C16orf78: variants seen among roughly 807,000 people sequenced by gnomAD.
C16orf78 encodes uncharacterized protein C16orf78.
C16orf78 carries 19 observed loss-of-function variants against 27.3 expected under a neutral mutation model. The observed-to-expected ratio is 0.70, with a 90% CI of 0.49 to 1.02. The LOEUF (loss-of-function observed/expected upper bound fraction) is 1.02, where lower values mean the gene tolerates loss of function less well. C16orf78 is among the 50% of genes least tolerant of loss of function. C16orf78 has a pLI of 0.00. For synonymous variants in C16orf78, 130 were observed against 116.1 expected (o/e 1.12, Z -0.77); for missense variants, 339 against 337.0 (o/e 1.01, Z -0.05).
At chr16:49,378,006 C>A (rs966084914) in intron 2 of C16orf78, among the ~76,000 whole-genome samples, 156 bp downstream of exon 2, 3 of 152,104 alleles carry the variant, frequency 2.0e-5, no homozygotes, top group Non-Finnish European at 4.4e-5. Context: ...AAATCTCCAC[C>A]CCTCCCTACC....
chr16:49,378,417 G>C, intron 2 of C16orf78, 53 bp from the exon 3 acceptor site: 4 of 1,537,698 alleles, frequency 2.6e-6, no homozygotes, highest in Non-Finnish European at 3.5e-6. Context: ...GGAGCGGGGA[G>C]GGCGAGCCAG....
intron 1 of C16orf78, among the ~76,000 whole-genome samples, chr16:49,375,676 T>C (rs557528000): frequency 6.6e-6 from 1 of 152,242 alleles, no homozygotes; most frequent in South Asian, 2.1e-4. Context: ...ATCCAAACCA[T>C]ACCACTTACC....
intron 3 of C16orf78, among the ~76,000 whole-genome samples, chr16:49,381,328 C>A (rs543369318): frequency 6.6e-6 from 1 of 152,252 alleles, no homozygotes; most frequent in African/African-American, 2.4e-5. Flanking sequence ...GTTTGTAGTT[C>A]TCCTTGAAGA....
chr16:49,385,751 G>T (rs144014932), intron 3 of C16orf78, among the ~76,000 whole-genome samples: 1 of 151,020 alleles, frequency 6.6e-6, no homozygotes, highest in Non-Finnish European at 1.5e-5. Context: ...AAAACATACC[G>T]CTCCAAAAAG....
intron 3 of C16orf78, among the ~76,000 whole-genome samples, chr16:49,381,361 T>C (rs1965284914): frequency 1.3e-5 from 2 of 152,190 alleles, no homozygotes; most frequent in Non-Finnish European, 2.9e-5. Flanking sequence ...CCTTTGTAAG[T>C]TGGATTCCTA....
At chr16:49,385,761 G>T (rs1278514529) in intron 3 of C16orf78, among the ~76,000 whole-genome samples, 3 of 151,058 alleles carry the variant, frequency 2.0e-5, no homozygotes, top group African/African-American at 7.3e-5. Flanking sequence ...GCTCCAAAAA[G>T]TCATTAAATC....
At chr16:49,389,584 A>T (rs1457025506) in intron 3 of C16orf78, among the ~76,000 whole-genome samples, 4 of 152,200 alleles carry the variant, frequency 2.6e-5, no homozygotes, top group Non-Finnish European at 5.9e-5. Flanking sequence ...TGACAGGGCG[A>T]GACTCTGTAT....
Position 49,399,427 on chromosome 16 carries a change from G to C in C16orf78, c.*149G>C. 1.1e-6 allele frequency: 1 copy of C among 934,780 alleles called. No homozygotes were observed. Among genetic ancestry groups the C allele is most frequent in the Non-Finnish European group, 1.6e-6 (1 of 641,264 alleles). The allele number at this position is 934,780 out of a possible 1,614,324, so 57.9% of individuals were successfully genotyped here. A position where few individuals can be genotyped will look rare whatever the true frequency, so the allele number is the denominator to read the frequency against. On this transcript the variant is annotated 3_prime_UTR_variant, in exon 5 of 5. Transcript: ENST00000299191. ...ATCAGAAAACAAGCCTCGGCTGTGTGATCATTGTGCTTCCGTAAGACTGGT... is the reference window on the plus strand; with the variant it reads ...ATCAGAAAACAAGCCTCGGCTGTGTCATCATTGTGCTTCCGTAAGACTGGT...
intron 2 of C16orf78, 141 bp from the exon 3 acceptor site, chr16:49,378,329 A>C: frequency 9.7e-5 from 111 of 1,145,522 alleles, no homozygotes; most frequent in Non-Finnish European, 1.2e-4. Flanking sequence ...GACCTCTCCC[A>C]GGGCCCGGGG....
intron 3 of C16orf78, 114 bp downstream of exon 3, chr16:49,378,707 C>T: frequency 4.8e-6 from 7 of 1,462,046 alleles, no homozygotes; most frequent in Non-Finnish European, 5.5e-6. Context: ...GTCAATCCAA[C>T]CATTGTGCAC....
intron 3 of C16orf78, among the ~76,000 whole-genome samples, chr16:49,380,952 G>A (rs1410064501): frequency 1.3e-5 from 2 of 151,484 alleles, no homozygotes; most frequent in Non-Finnish European, 1.5e-5. Context: ...TAGATATGCG[G>A]CATTATTTCT....
intron 3 of C16orf78, among the ~76,000 whole-genome samples, chr16:49,393,509 A>G (rs1256117069): frequency 2.6e-5 from 4 of 152,156 alleles, no homozygotes; most frequent in Non-Finnish European, 5.9e-5. Flanking sequence ...TAAGAAACAC[A>G]CTTCCAAATT....
chr16:49,395,479 A>C (rs1232986213), intron 3 of C16orf78, among the ~76,000 whole-genome samples: 1 of 151,668 alleles, frequency 6.6e-6, no homozygotes, highest in Non-Finnish European at 1.5e-5. Flanking sequence ...TTTTCTCATC[A>C]GCTATCATTA....
intron 1 of C16orf78, 84 bp from the exon 2 acceptor site, chr16:49,377,647 C>A: frequency 6.6e-7 from 1 of 1,521,128 alleles, no homozygotes; most frequent in Non-Finnish European, 8.9e-7. Context: ...CAGCCCCTCA[C>A]CTGGGAGCCT....
rs1965282322 is a variant in C16orf78 at position 49,381,189 on chromosome 16, T to C, written c.394+2596T>C. ...GTGAAGAAAGGCATTGGTAGCTTGA[T>C]GGGGATGGCATTGAATCTGTAATTT... On this transcript the variant is annotated intron_variant, in intron 3 of 4. Coordinates refer to ENST00000299191, the MANE Select transcript of C16orf78 (RefSeq NM_144602.4). Among the ~76,000 whole-genome samples, 2 of 152,322 alleles carry C rather than the reference T, an allele frequency of 1.3e-5. 1 individual carries two copies. Among genetic ancestry groups the C allele is most frequent in the South Asian group, 4.1e-4 (2 of 4,824 alleles).
At chr16:49,382,893 A>G (rs1965304873) in intron 3 of C16orf78, among the ~76,000 whole-genome samples, 1 of 152,108 alleles carries the variant, frequency 6.6e-6, no homozygotes, top group Admixed American at 6.5e-5. Context: ...TCTGTTTCAC[A>G]CTCAAAGTAG....
chr16:49,378,515 C>G lies in C16orf78; in HGVS notation c.316C>G (p.Leu106Val), dbSNP rs745926781. 3.7e-6 allele frequency: 6 copies of G among 1,610,276 alleles called. No individual in the cohort carries two copies. The East Asian group carries it at 1.3e-4, about 36-fold the overall frequency. Residue 106 changes from leucine (L) to valine (V), a missense_variant, in exon 3 of 5, where the codon CTC (leucine) becomes GTC (valine). By Grantham distance (32) the Leu-to-Val change is conservative. Transcript: ENST00000299191. ...FRKDAASYRS[L>V]YGVEQKGKHL... ...GAAGGACGCCGCCTCCTACCGAAGC[C>G]TCTATGGAGTGGAGCAAAAGGGGAA...
chr16:49,388,616 A>G (rs1965376743), intron 3 of C16orf78, among the ~76,000 whole-genome samples: 1 of 152,124 alleles, frequency 6.6e-6, no homozygotes, highest in Admixed American at 6.5e-5. Flanking sequence ...TGCTCAAGCA[A>G]TCCTCCCACC....
At position 49,378,537 on chromosome 16, in the gene C16orf78, G is replaced by A. The variant is rs767886935; in HGVS notation, c.338G>A (p.Gly113Glu). The A allele has an allele frequency of 8.1e-6, 13 of 1,613,252 alleles. No individual in the cohort carries two copies. Among genetic ancestry groups the A allele is most frequent in the Admixed American group, 5.0e-5 (3 of 59,918 alleles). The change falls in exon 3 of 5, where the codon GGG becomes GAG. Residue 113 changes from glycine to glutamate, a missense_variant. Transcript: ENST00000299191. ...AGCCTCTATGGAGTGGAGCAAAAGG[G>A]GAAACACCTCAGCATGGTCCCTGGC... ...YRSLYGVEQK[G>E]KHLSMVPGSY... is the part of the protein sequence containing the mutation.
Sources: gnomAD v4.1 joint callset for allele counts (sites outside exome capture counted in the v4.1 genomes callset) on GRCh38, gnomAD v4.1.1 for gene constraint, MANE v1.5 for transcripts, NCBI Gene and HGNC (gene_info 2026-07-23, HGNC 2026-07-21) for gene names.